The following DCLK2 variants were observed in gnomAD, a reference collection of about 807,000 sequenced individuals.
DCLK2 encodes the protein doublecortin like kinase 2, also known as serine/threonine-protein kinase DCLK2.
A neutral mutation model predicts 78.4 loss-of-function variants in DCLK2; 31 were observed. The ratio of observed to expected loss-of-function variants is 0.40; its 90% CI spans 0.30 to 0.53. DCLK2 has a LOEUF of 0.53. DCLK2 is among the 20% of genes least tolerant of loss of function. DCLK2 has a pLI of 0.61. For synonymous variants in DCLK2, 407 were observed against 374.9 expected (o/e 1.09, Z -0.99); for missense variants, 872 against 973.7 (o/e 0.90, Z 1.39).
chr4:150,194,406 G>A (rs937340780), intron 3 of DCLK2, among the ~76,000 whole-genome samples: 1 of 152,180 alleles, frequency 6.6e-6, no homozygotes, highest in Admixed American at 6.6e-5. Flanking sequence ...TCATGGTTAA[G>A]TGACATATGA....
intron 2 of DCLK2, among the ~76,000 whole-genome samples, chr4:150,124,362 G>A (rs906338590): frequency 3.3e-5 from 5 of 152,030 alleles, no homozygotes; most frequent in African/African-American, 1.2e-4. Context: ...AGTGGTTTAT[G>A]GCAGGCTTCT....
intron 2 of DCLK2, among the ~76,000 whole-genome samples, chr4:150,172,627 A>AAG (rs1332485876): frequency 6.6e-6 from 1 of 151,162 alleles, no homozygotes; most frequent in Admixed American, 6.6e-5. Context: ...AAAAAAAAAA[A>AAG]AAGAAATCCA....
intron 2 of DCLK2, among the ~76,000 whole-genome samples, chr4:150,161,089 C>CT (rs1485766979): frequency 1.3e-5 from 2 of 152,076 alleles, no homozygotes; most frequent in African/African-American, 4.8e-5. Context: ...CATCTGACTA[C>CT]TTTGTATGAA....
chr4:150,239,208 GA>G (rs1742721079), intron 10 of DCLK2, among the ~76,000 whole-genome samples: 1 of 152,146 alleles, frequency 6.6e-6, no homozygotes, highest in African/African-American at 2.4e-5. Flanking sequence ...TGCAAAAGTG[GA>G]AAATATTTTT....
chr4:150,167,332 A>G (rs928725729), intron 2 of DCLK2, among the ~76,000 whole-genome samples: 16 of 152,252 alleles, frequency 1.1e-4, no homozygotes, highest in African/African-American at 2.7e-4. Context: ...GAGACTTTTC[A>G]TATTCATGGA....
In DCLK2 at chr4:150,190,751, A is replaced by G. The variant is rs192634339; in HGVS notation, c.757-2387A>G. On this transcript the variant is annotated intron_variant, in intron 2 of 15. Coordinates refer to ENST00000296550, the MANE Select transcript of DCLK2 (RefSeq NM_001040260.4). ...GTCGCACAACTCTTAATATACTAAA[A>G]AAAACATTGAATTGTGGACCTTAAC... is the stretch of plus-strand genomic sequence containing the variant. Among the ~76,000 whole-genome samples the G allele has an allele frequency of 2.3e-3, 356 of 152,218 alleles. 1 individual carries two copies. The highest frequency in any genetic ancestry group is 3.4e-3 in the Non-Finnish European group (228 of 68,024).
At chr4:150,113,862 AC>A (rs1250035863) in intron 2 of DCLK2, among the ~76,000 whole-genome samples, 4 of 152,084 alleles carry the variant, frequency 2.6e-5, no homozygotes, top group African/African-American at 9.6e-5. Context: ...GATCTTTCAG[AC>A]TTTTTGATGT....
intron 3 of DCLK2, 113 bp from the exon 4 acceptor site, chr4:150,197,889 C>A: frequency 1.4e-6 from 1 of 716,000 alleles, no homozygotes; most frequent in Non-Finnish European, 2.2e-6. Context: ...AATTGTTTAA[C>A]AGTAATACCT....
intron 2 of DCLK2, among the ~76,000 whole-genome samples, chr4:150,184,991 T>G (rs1301200548): frequency 6.6e-6 from 1 of 152,148 alleles, no homozygotes; most frequent in Non-Finnish European, 1.5e-5. Flanking sequence ...TGTGTCCTCT[T>G]TTTTTTGTTT....
chr4:150,157,080 A>G (rs905806940), intron 2 of DCLK2, among the ~76,000 whole-genome samples: 6 of 150,938 alleles, frequency 4.0e-5, no homozygotes, highest in East Asian at 3.9e-4. Flanking sequence ...AGGAGTTACT[A>G]TTTTCTAGTG....
At position 150,256,184 on chromosome 4, in the gene DCLK2, C is replaced by G. The variant is rs1261964779; in HGVS notation, c.2238C>G (p.Pro746=). ...PAPTPPESPT[P]HPPPAAPGGE... is the part of the protein sequence containing the mutation. ...CCACCCCTCCGGAATCTCCCACCCCCCACCCTCCTCCCGCTGCCCCGGGTG... is the reference window on the plus strand; with the variant it reads ...CCACCCCTCCGGAATCTCCCACCCCGCACCCTCCTCCCGCTGCCCCGGGTG... Residue 746 remains proline, a synonymous_variant, in exon 16 of 16, where the codon CCC becomes CCG. Transcript: ENST00000296550. 2 of 1,550,708 alleles carry G rather than the reference C, an allele frequency of 1.3e-6. No individual in the cohort carries two copies. Among genetic ancestry groups the G allele is most frequent in the Admixed American group, 2.0e-5 (1 of 51,274 alleles).
intron 2 of DCLK2, among the ~76,000 whole-genome samples, chr4:150,158,037 G>T (rs1735442928): frequency 6.6e-6 from 1 of 152,168 alleles, no homozygotes; most frequent in African/African-American, 2.4e-5. Flanking sequence ...TTGTTAATTT[G>T]CTAAGGCCAC....
At chr4:150,253,958 T>C (rs957379499) in intron 15 of DCLK2, 3 of 959,586 alleles carry the variant, frequency 3.1e-6, no homozygotes, top group African/African-American at 1.8e-5. Flanking sequence ...CAGCCAGCCT[T>C]TGGGATAAGA....
At chr4:150,108,958 C>T (rs796077179) in intron 2 of DCLK2, among the ~76,000 whole-genome samples, 3 of 152,244 alleles carry the variant, frequency 2.0e-5, no homozygotes, top group African/African-American at 7.2e-5. Flanking sequence ...TCACATGCAG[C>T]GGGTCCTCTT....
At chr4:150,232,191 G>A in intron 8 of DCLK2, 146 bp from the exon 9 acceptor site, 1 of 960,466 alleles carries the variant, frequency 1.0e-6, no homozygotes, top group Non-Finnish European at 1.6e-6. Flanking sequence ...GGGACAATTA[G>A]GTCAGGTTTA....
At chr4:150,250,578 C>T (rs551402398) in intron 15 of DCLK2, among the ~76,000 whole-genome samples, 102 of 151,960 alleles carry the variant, frequency 6.7e-4, no homozygotes, top group African/African-American at 1.2e-3. Context: ...CAGCAGCTTT[C>T]GAATCAGACC....
chr4:150,160,894 G>C (rs1735657463), intron 2 of DCLK2, among the ~76,000 whole-genome samples: 1 of 152,174 alleles, frequency 6.6e-6, no homozygotes, highest in Non-Finnish European at 1.5e-5. Flanking sequence ...GAGAGGCTGT[G>C]ACTTAAATGA....
At chr4:150,231,386 T>C (rs17503443) in intron 8 of DCLK2, among the ~76,000 whole-genome samples, 3,390 of 152,342 alleles carry the variant, frequency 0.022, 65 homozygotes, top group Non-Finnish European at 0.037. Flanking sequence ...CAACCTACCA[T>C]GTGCAGGAGC....
rs553562050 is a variant in DCLK2 at position 150,111,300 on chromosome 4, A to G, written c.756+8488A>G. ...TTGTATATCTCTTTTAAAAATATCT[A>G]TTTATGTCATTTGCCCACTTATTGA... On this transcript the variant is annotated intron_variant, in intron 2 of 15. Transcript: ENST00000296550. Among the ~76,000 whole-genome samples, 123 of 152,066 alleles carry G rather than the reference A, an allele frequency of 8.1e-4. 1 individual carries two copies. The South Asian group carries it at 0.011, about 14-fold the overall frequency.
Sources: allele counts gnomAD v4.1 joint callset (sites outside exome capture counted in the v4.1 genomes callset), GRCh38; gene constraint gnomAD v4.1.1; transcripts MANE v1.5; gene names NCBI Gene and HGNC (gene_info 2026-07-23, HGNC 2026-07-21).